Variants in B3GALT1 observed in about 807,000 individuals in gnomAD.
B3GALT1 encodes the protein beta-1,3-galactosyltransferase 1.
In B3GALT1, 10 loss-of-function variants were observed where a neutral mutation model predicts 23.2. That is an observed-to-expected ratio of 0.43 (90% CI 0.27 to 0.73). The LOEUF (loss-of-function observed/expected upper bound fraction) is 0.73. Among genes scored for constraint, B3GALT1 ranks in the 30% least tolerant of loss-of-function variants. B3GALT1 has a pLI of 0.21. For missense variants in B3GALT1, 299 were observed against 405.4 expected (o/e 0.74, Z 2.25); for synonymous variants, 156 against 141.5 (o/e 1.10, Z -0.73).
chr2:167,303,682 C>CACACACACACACAGAGAGAG (rs535369991), intron 1 of B3GALT1, among the ~76,000 whole-genome samples: 26 of 148,832 alleles, frequency 1.7e-4, no homozygotes, highest in African/African-American at 6.0e-4. Flanking sequence ...CACACACACA[C>CACACACACACACAGAGAGAG]AGAGAGAGAC....
intron 4 of B3GALT1, among the ~76,000 whole-genome samples, chr2:167,849,877 G>A (rs374001052): frequency 3.5e-5 from 5 of 141,038 alleles, no homozygotes; most frequent in African/African-American, 7.9e-5. Context: ...GGAAAAGAGC[G>A]AGACTCTGTC....
At chr2:167,697,254 T>C (rs958097555) in intron 3 of B3GALT1, among the ~76,000 whole-genome samples, 5 of 152,122 alleles carry the variant, frequency 3.3e-5, no homozygotes, top group Admixed American at 6.6e-5. Flanking sequence ...GATTAGAGGA[T>C]TGGTTGAGAT....
intron 2 of B3GALT1, among the ~76,000 whole-genome samples, chr2:167,558,871 TG>T (rs1021516548): frequency 2.0e-5 from 3 of 152,190 alleles, no homozygotes; most frequent in Non-Finnish European, 2.9e-5. Context: ...GCTCCACCTC[TG>T]GGGGCAGGGC....
In B3GALT1 at chr2:167,322,093, C is replaced by T. The variant is rs555051276; in HGVS notation, c.-511+28759C>T. ...GTGTATTACCCATGTGAAATAAAGG[C>T]GCACTTCCTCAAAGAAATTTAGGAT... On this transcript the variant is annotated intron_variant, in intron 1 of 4. Transcript: ENST00000392690. Among the ~76,000 whole-genome samples, 19 of 152,008 alleles carry T rather than the reference C, an allele frequency of 1.2e-4. No homozygotes were observed. The East Asian group carries it at 2.3e-3, about 19-fold the overall frequency.
intron 1 of B3GALT1, among the ~76,000 whole-genome samples, chr2:167,307,599 C>T (rs1163952378): frequency 1.3e-5 from 2 of 152,000 alleles, no homozygotes; most frequent in African/African-American, 2.4e-5. Context: ...AAAGGACTTG[C>T]GTCTGCCCCA....
At position 167,592,922 on chromosome 2, in the gene B3GALT1, G is replaced by C. The variant is rs1306471647; in HGVS notation, c.-409-53987G>C. Among the ~76,000 whole-genome samples, 37 of 152,166 alleles carry C rather than the reference G, an allele frequency of 2.4e-4. 1 individual carries two copies. The highest frequency in any genetic ancestry group is 1.5e-5 in the Non-Finnish European group (1 of 68,038). On this transcript the variant is annotated intron_variant, in intron 2 of 4. Transcript: ENST00000392690. ...AAGAAACAAAAAAGAAAAGAAAAAA[G>C]ATGGTCAGTGTCATGCGTAATAAAT...
In B3GALT1 at chr2:167,336,256, A is replaced by G. The variant is rs558092502; in HGVS notation, c.-511+42922A>G. Among the ~76,000 whole-genome samples the G allele has an allele frequency of 6.6e-5, 10 of 152,224 alleles. No individual in the cohort carries two copies. In the South Asian group the frequency reaches 2.1e-3, roughly 32 times the overall value. ...CTAAGATGATGTGGAATCCTTAGTA[A>G]CCACATACATTATCCCCACCCTTTC... On this transcript the variant is annotated intron_variant, in intron 1 of 4. Transcript: ENST00000392690.
intron 3 of B3GALT1, among the ~76,000 whole-genome samples, chr2:167,763,690 G>GA (rs35567239): frequency 0.52 from 42,412 of 82,070 alleles, 11,350 homozygotes; most frequent in Non-Finnish European, 0.57. Context: ...GACTCTGTCA[G>GA]AAAAAAAAAA....
chr2:167,555,529 A>G (rs1188708235), intron 2 of B3GALT1, among the ~76,000 whole-genome samples: 2 of 152,094 alleles, frequency 1.3e-5, no homozygotes, highest in Non-Finnish European at 2.9e-5. Context: ...TTTTGCTTAC[A>G]TTTTACTTTT....
intron 1 of B3GALT1, among the ~76,000 whole-genome samples, chr2:167,461,413 C>G (rs1699257265): frequency 6.6e-6 from 1 of 152,140 alleles, no homozygotes; most frequent in South Asian, 2.1e-4. Context: ...CAATTGTTTT[C>G]TAGGTGGGGA....
chr2:167,498,290 A>G (rs532336811), intron 2 of B3GALT1, among the ~76,000 whole-genome samples: 2 of 152,336 alleles, frequency 1.3e-5, no homozygotes, highest in Admixed American at 6.5e-5. Context: ...AAAACCTGGA[A>G]GAAACACATG....
chr2:167,445,418 G>A (rs535159405), intron 1 of B3GALT1, among the ~76,000 whole-genome samples: 57 of 152,146 alleles, frequency 3.7e-4, no homozygotes, highest in East Asian at 9.7e-4. Flanking sequence ...CCTGGATATC[G>A]TTGTTAACTT....
intron 1 of B3GALT1, among the ~76,000 whole-genome samples, chr2:167,335,562 G>T (rs1043271015): frequency 6.6e-6 from 1 of 152,214 alleles, no homozygotes; most frequent in Non-Finnish European, 1.5e-5. Flanking sequence ...CGGGGAAGGG[G>T]GTGGGCAGTT....
chr2:167,814,182 C>A (rs545427172), intron 3 of B3GALT1, among the ~76,000 whole-genome samples: 9 of 152,126 alleles, frequency 5.9e-5, no homozygotes, highest in African/African-American at 2.2e-4. Flanking sequence ...ATTGTTTGAT[C>A]GTTCTAGTAC....
chr2:167,558,110 T>TA (rs1488559889), intron 2 of B3GALT1: 1 of 152,228 alleles, frequency 6.6e-6, no homozygotes, highest in African/African-American at 2.4e-5. Context: ...TCTAATTTTT[T>TA]ACATTGTTTT....
intron 1 of B3GALT1, among the ~76,000 whole-genome samples, chr2:167,316,765 C>T (rs1696726265): frequency 6.6e-6 from 1 of 152,120 alleles, no homozygotes; most frequent in Non-Finnish European, 1.5e-5. Context: ...TTGGCTTCCA[C>T]TCTTCTTTAT....
chr2:167,523,044 C>T (rs187341488), intron 2 of B3GALT1, among the ~76,000 whole-genome samples: 13 of 152,242 alleles, frequency 8.5e-5, no homozygotes, highest in African/African-American at 3.1e-4. Flanking sequence ...TCTTTAGATG[C>T]CACTGGACAC....
chr2:167,657,824 A>G (rs1345502885), intron 3 of B3GALT1, among the ~76,000 whole-genome samples: 2 of 152,174 alleles, frequency 1.3e-5, no homozygotes, highest in African/African-American at 4.8e-5. Context: ...TATAAAAATC[A>G]TTAAACATTA....
chr2:167,407,936 C>CA (rs1559087403), intron 1 of B3GALT1, among the ~76,000 whole-genome samples: 1 of 151,194 alleles, frequency 6.6e-6, no homozygotes, highest in Non-Finnish European at 1.5e-5. Flanking sequence ...TCAAACTCTT[C>CA]AAAAAAATTA....
Sources: gnomAD v4.1 joint callset for allele counts (sites outside exome capture counted in the v4.1 genomes callset) on GRCh38, gnomAD v4.1.1 for gene constraint, MANE v1.5 for transcripts, NCBI Gene and HGNC (gene_info 2026-07-23, HGNC 2026-07-21) for gene names.